Variants in OR52B4 observed in about 807,000 individuals in gnomAD.
OR52B4 encodes olfactory receptor 52B4.
For synonymous variants in OR52B4, 182 were observed against 142.3 expected (o/e 1.28, Z -1.98); for missense variants, 450 against 387.0 (o/e 1.16, Z -1.36).
In OR52B4 at chr11:4,367,690, A is replaced by G. The variant is rs1590829207; in HGVS notation, c.606T>C (p.Phe202=). 1 of 1,613,862 alleles carries G rather than the reference A, an allele frequency of 6.2e-7. No individual in the cohort carries two copies. The highest frequency in any genetic ancestry group is 1.1e-5 in the South Asian group (1 of 91,074). The change falls in exon 1 of 1, where the codon TTT becomes TTC. Residue 202 remains phenylalanine, a synonymous_variant. Transcript: ENST00000624801. ...AGACCACCGTCGACATTAGAATGGA[A>G]AACCCATACCAAATGTTTATTCGAA... ...NDIRINIWYG[F]SILMSTVVLD...
rs758468137 is a variant in OR52B4, at chr11:4,367,456, A to G, written c.840T>C (p.Asn280=). The change falls in exon 1 of 1, where the codon AAT becomes AAC. Residue 280 remains asparagine, a synonymous_variant. Transcript: ENST00000624801. ...IPPCIHIPLA[N]VCILAPPMLN... is the part of the protein sequence containing the mutation. ...GCATAGGTGGAGCCAGAATGCAGAC[A>G]TTAGCCAACGGGATGTGGATACAAG... 7 of 1,614,014 alleles carry G rather than the reference A, an allele frequency of 4.3e-6. No individual in the cohort carries two copies. The Admixed American group carries it at 1.0e-4, about 23-fold the overall frequency.
chr11:4,368,203 G>A lies in OR52B4; in HGVS notation c.93C>T (p.Ile31=), dbSNP rs376516768. The A allele has an allele frequency of 6.2e-7, 1 of 1,613,834 alleles. No individual in the cohort carries two copies. The highest frequency in any genetic ancestry group is 1.7e-4 in the Middle Eastern group (1 of 6,060). ...GLQDQHMWIS[I]PFFISYVTAL... is the part of the protein sequence containing the mutation. ...CGGTGACATAGGAAATGAAGAATGG[G>A]ATAGAAATCCACATGTGCTGGTCCT... The change falls in exon 1 of 1, where the codon ATC becomes ATT. Residue 31 remains isoleucine, a synonymous_variant. Coordinates refer to ENST00000624801, the MANE Select transcript of OR52B4 (RefSeq NM_001005161.3).
Position 4,367,844 on chromosome 11 carries a change from G to T in OR52B4, c.452C>A (p.Ser151Tyr). 1 of 1,613,936 alleles carries T rather than the reference G, an allele frequency of 6.2e-7. No individual in the cohort carries two copies. The highest frequency in any genetic ancestry group is 1.3e-5 in the African/African-American group (1 of 75,034). Residue 151 changes from serine (S) to tyrosine (Y), a missense_variant, in exon 1 of 1, where the codon TCT (serine) becomes TAT (tyrosine). By Grantham distance (144) the Ser-to-Tyr change is moderately radical. Transcript: ENST00000624801. ...ALIKKICVTV[S>Y]LRSYGTIFPI... ...GAAAATTGTACCATAACTTCTCAGA[G>T]AGACAGTCACACAAATTTTCTTGAT...
chr11:4,367,856 C>G lies in OR52B4; in HGVS notation c.440G>C (p.Cys147Ser), dbSNP rs1384779149. The G allele has an allele frequency of 4.3e-6, 7 of 1,614,032 alleles. No homozygotes were observed. Among genetic ancestry groups the G allele is most frequent in the Middle Eastern group, 3.3e-4 (2 of 6,062 alleles). ...ATAACTTCTCAGAGAGACAGTCACA[C>G]AAATTTTCTTGATCAGAGCATTTGT... ...ILTNALIKKICVTVSLRSYGT... is the reference protein window; with the variant it reads ...ILTNALIKKISVTVSLRSYGT... Residue 147 changes from cysteine to serine, a missense_variant, in exon 1 of 1, where the codon TGT (cysteine) becomes TCT (serine). Transcript: ENST00000624801.
At position 4,368,030 on chromosome 11, in the gene OR52B4, A is replaced by G; in HGVS notation, c.266T>C (p.Phe89Ser). The G allele has an allele frequency of 6.2e-7, 1 of 1,614,076 alleles. No homozygotes were observed. The highest frequency in any genetic ancestry group is 1.1e-5 in the South Asian group (1 of 91,082). ...ATCCAGGGAGATGTCCCCAGCACGG[A>G]ACCAGAAGATAGCTAAGGCCTGAGG... is the stretch of plus-strand genomic sequence containing the variant. ...TIPQALAIFW[F>S]RAGDISLDRC... Residue 89 changes from phenylalanine to serine, a missense_variant, in exon 1 of 1, where the codon TTC becomes TCC. By Grantham distance (155) the Phe-to-Ser change is radical. Transcript: ENST00000624801.
chr11:4,367,486 A>T lies in OR52B4; in HGVS notation c.810T>A (p.Ile270=). 6.2e-7 allele frequency: 1 copy of T among 1,614,030 alleles called. No individual in the cohort carries two copies. The highest frequency in any genetic ancestry group is 8.5e-7 in the Non-Finnish European group (1 of 1,179,918). ...CCAACGGGATGTGGATACAAGGTGG[A>T]ATGTGGCGTCCAAACCTCTGGGTAA... ...TILTQRFGRH[I]PPCIHIPLAN... The change falls in exon 1 of 1, where the codon ATT becomes ATA. Residue 270 remains isoleucine (I), a synonymous_variant. Transcript: ENST00000624801.
chr11:4,368,178 C>G lies in OR52B4; in HGVS notation c.118G>C (p.Ala40Pro), dbSNP rs766592298. Residue 40 changes from alanine to proline, a missense_variant, in exon 1 of 1, where the codon GCC becomes CCC. Transcript: ENST00000624801. ...ATGAGCAGGCTGTTCCCAAGAAGGG[C>G]GGTGACATAGGAAATGAAGAATGGG... is the stretch of plus-strand genomic sequence containing the variant. ...SIPFFISYVT[A>P]LLGNSLLIFI... The G allele has an allele frequency of 1.9e-6, 3 of 1,606,344 alleles. No homozygotes were observed. The highest frequency in any genetic ancestry group is 2.6e-6 in the Non-Finnish European group (3 of 1,174,114).
rs1365088041 is a variant in OR52B4, at chr11:4,367,920, T to A, written c.376A>T (p.Ile126Phe). The change falls in exon 1 of 1, where the codon ATT becomes TTT. Residue 126 changes from isoleucine (I) to phenylalanine (F), a missense_variant. Ile to Phe is a conservative substitution (Grantham distance 21). Transcript: ENST00000624801. ...TACCTCAGTGGGTAGCATATGGCAATATAGTGGTCAAAGGCCATCACCAGC... is the reference window on the plus strand; with the variant it reads ...TACCTCAGTGGGTAGCATATGGCAAAATAGTGGTCAAAGGCCATCACCAGC... ...ILLVMAFDHY[I>F]AICYPLRYTT... The A allele has an allele frequency of 2.3e-5, 37 of 1,613,814 alleles. No homozygotes were observed. Among genetic ancestry groups the A allele is most frequent in the Middle Eastern group, 1.6e-4 (1 of 6,080 alleles).
In OR52B4 at chr11:4,367,455, C is replaced by T. The variant is rs752803607; in HGVS notation, c.841G>A (p.Val281Ile). The T allele has an allele frequency of 2.5e-6, 4 of 1,613,960 alleles. No individual in the cohort carries two copies. The highest frequency in any genetic ancestry group is 1.7e-6 in the Non-Finnish European group (2 of 1,179,884). ...AGCATAGGTGGAGCCAGAATGCAGA[C>T]ATTAGCCAACGGGATGTGGATACAA... Reference protein sequence around the residue: ...PPCIHIPLANVCILAPPMLNP... With the variant: ...PPCIHIPLANICILAPPMLNP... The change falls in exon 1 of 1, where the codon GTC (valine) becomes ATC (isoleucine). Residue 281 changes from valine to isoleucine, a missense_variant. Transcript: ENST00000624801.
In OR52B4 at chr11:4,367,985, A is replaced by C; in HGVS notation, c.311T>G (p.Phe104Cys). 6.2e-7 allele frequency: 1 copy of C among 1,614,058 alleles called. No homozygotes were observed. The highest frequency in any genetic ancestry group is 8.5e-7 in the Non-Finnish European group (1 of 1,179,994). ...ISLDRCITQL[F>C]FIHSTFISES... ...AGAGATGAAGGTGGAATGGATGAAG[A>C]AGAGCTGAGTGATGCAACGATCCAG... Residue 104 changes from phenylalanine to cysteine, a missense_variant, in exon 1 of 1, where the codon TTC becomes TGC. Phe to Cys is a radical substitution (Grantham distance 205, BLOSUM62 -2). Coordinates refer to ENST00000624801, the MANE Select transcript of OR52B4 (RefSeq NM_001005161.3).
In OR52B4 at chr11:4,368,197, G is replaced by T; in HGVS notation, c.99C>A (p.Phe33Leu). 1.2e-6 allele frequency: 2 copies of T among 1,613,884 alleles called. No homozygotes were observed. The highest frequency in any genetic ancestry group is 1.7e-6 in the Non-Finnish European group (2 of 1,179,854). ...GAAGGGCGGTGACATAGGAAATGAA[G>T]AATGGGATAGAAATCCACATGTGCT... ...QDQHMWISIP[F>L]FISYVTALLG... is the part of the protein sequence containing the mutation. Residue 33 changes from phenylalanine to leucine, a missense_variant, in exon 1 of 1, where the codon TTC (phenylalanine) becomes TTA (leucine). Coordinates refer to ENST00000624801, the MANE Select transcript of OR52B4 (RefSeq NM_001005161.3).
Position 4,368,235 on chromosome 11 carries a change from C to G in OR52B4, c.61G>C (p.Gly21Arg). 6.2e-7 allele frequency: 1 copy of G among 1,613,826 alleles called. No individual in the cohort carries two copies. The highest frequency in any genetic ancestry group is 8.5e-7 in the Non-Finnish European group (1 of 1,179,868). ...ATCCACATGTGCTGGTCCTGTAGGC[C>G]AGGGATGCCCAGCAAGTGGAAGACT... ...HTVFHLLGIP[G>R]LQDQHMWISI... The change falls in exon 1 of 1, where the codon GGC becomes CGC. Residue 21 changes from glycine (G) to arginine (R), a missense_variant. Transcript: ENST00000624801.
Position 4,368,063 on chromosome 11 carries a change from C to G in OR52B4, c.233G>C (p.Cys78Ser). The change falls in exon 1 of 1, where the codon TGC becomes TCC. Residue 78 changes from cysteine to serine, a missense_variant. Cys to Ser is a moderately radical substitution (Grantham distance 112). Coordinates refer to ENST00000624801, the MANE Select transcript of OR52B4 (RefSeq NM_001005161.3). ...GATAGCTAAGGCCTGAGGAATGGTGCACGTGGAGAGGACAATGTCTGCTCC... is the reference window on the plus strand; with the variant it reads ...GATAGCTAAGGCCTGAGGAATGGTGGACGTGGAGAGGACAATGTCTGCTCC... ...LAGADIVLST[C>S]TIPQALAIFW... 6.2e-7 allele frequency: 1 copy of G among 1,613,934 alleles called. No individual in the cohort carries two copies. The highest frequency in any genetic ancestry group is 8.5e-7 in the Non-Finnish European group (1 of 1,179,960).
chr11:4,368,363 T>C lies in OR52B4; in HGVS notation c.-68A>G. 1.3e-6 allele frequency: 1 copy of C among 759,430 alleles called. No individual in the cohort carries two copies. The highest frequency in any genetic ancestry group is 2.2e-6 in the Non-Finnish European group (1 of 457,592). 47.0% of individuals were successfully genotyped at this position (759,430 alleles called of 1,614,324 possible). On this transcript the variant is annotated 5_prime_UTR_variant, in exon 1 of 1. An upstream start codon of the reference 5' UTR is lost. Transcript: ENST00000624801. ...GTAGAAGAAGATAAAATCTGCAACA[T>C]TCTTTGCGATGTCACCAGGAGCTTA...
chr11:4,368,261 G>C lies in OR52B4; in HGVS notation c.35C>G (p.Thr12Arg). 1 of 1,612,668 alleles carries C rather than the reference G, an allele frequency of 6.2e-7. No homozygotes were observed. The highest frequency in any genetic ancestry group is 8.5e-7 in the Non-Finnish European group (1 of 1,179,026). Residue 12 changes from threonine to arginine, a missense_variant, in exon 1 of 1, where the codon ACA becomes AGA. Transcript: ENST00000624801. ...AGGGATGCCCAGCAAGTGGAAGACT[G>C]TGTGGCTAGTGCCACTGTGGTTTAC... ...PTVNHSGTSHTVFHLLGIPGL... is the reference protein window; with the variant it reads ...PTVNHSGTSHRVFHLLGIPGL...
In OR52B4 at chr11:4,367,356, T is replaced by C. The variant is rs1182756705; in HGVS notation, c.940A>G (p.Lys314Glu). 6.3e-7 allele frequency: 1 copy of C among 1,596,268 alleles called. No individual in the cohort carries two copies. The highest frequency in any genetic ancestry group is 1.1e-5 in the South Asian group (1 of 90,204). The change falls in exon 1 of 1, where the codon AAA becomes GAA. Residue 314 changes from lysine (K) to glutamate (E), a missense_variant. Transcript: ENST00000624801. ...QVVQFLFIKQ[K>E] The stretch of plus-strand genomic sequence containing the variant: ...ACTCAGTTCTTAAACCAAAGTTATT[T>C]CTGTTTTATAAACAAAAACTGAACC...
Position 4,368,078 on chromosome 11 carries a change from A to G in OR52B4, c.218T>C (p.Ile73Thr), listed in dbSNP as rs751901350. 1.9e-6 allele frequency: 3 copies of G among 1,613,892 alleles called. No individual in the cohort carries two copies. Among genetic ancestry groups the G allele is most frequent in the Non-Finnish European group, 2.5e-6 (3 of 1,179,870 alleles). Residue 73 changes from isoleucine (I) to threonine (T), a missense_variant, in exon 1 of 1, where the codon ATT becomes ACT. Ile to Thr is a moderately conservative substitution (Grantham distance 89). Transcript: ENST00000624801. ...AGGAATGGTGCACGTGGAGAGGACA[A>G]TGTCTGCTCCAGCCAGCATGCAGAG... is the stretch of plus-strand genomic sequence containing the variant. The part of the protein sequence containing the change: ...LFLCMLAGAD[I>T]VLSTCTIPQA...
Position 4,367,975 on chromosome 11 carries a change from A to C in OR52B4, c.321T>G (p.His107Gln). Reference protein sequence around the residue: ...DRCITQLFFIHSTFISESGIL... With the variant: ...DRCITQLFFIQSTFISESGIL... Reference sequence around the variant, plus strand: ...TCCCTGACTCAGAGATGAAGGTGGAATGGATGAAGAAGAGCTGAGTGATGC... The same window carrying C: ...TCCCTGACTCAGAGATGAAGGTGGACTGGATGAAGAAGAGCTGAGTGATGC... Residue 107 changes from histidine to glutamine, a missense_variant, in exon 1 of 1, where the codon CAT (histidine) becomes CAG (glutamine). Coordinates refer to ENST00000624801, the MANE Select transcript of OR52B4 (RefSeq NM_001005161.3). 6.2e-7 allele frequency: 1 copy of C among 1,614,012 alleles called. No individual in the cohort carries two copies. The highest frequency in any genetic ancestry group is 8.5e-7 in the Non-Finnish European group (1 of 1,179,992).
Position 4,368,288 on chromosome 11 carries a change from G to T in OR52B4, c.8C>A (p.Thr3Asn). The change falls in exon 1 of 1, where the codon ACT becomes AAT. Residue 3 changes from threonine to asparagine, a missense_variant. Thr to Asn is a moderately conservative substitution (Grantham distance 65). Coordinates refer to ENST00000624801, the MANE Select transcript of OR52B4 (RefSeq NM_001005161.3). Reference protein sequence around the residue: MPTVNHSGTSHTV... With the variant: MPNVNHSGTSHTV... ...GTGGCTAGTGCCACTGTGGTTTACA[G>T]TAGGCATAGCTGGGGAGAACTTTCA... 6.2e-7 allele frequency: 1 copy of T among 1,601,044 alleles called. No individual in the cohort carries two copies. The highest frequency in any genetic ancestry group is 8.5e-7 in the Non-Finnish European group (1 of 1,170,142).
Sources: gnomAD v4.1 joint callset for allele counts on GRCh38, gnomAD v4.1.1 for gene constraint, MANE v1.5 for transcripts, NCBI Gene and HGNC (gene_info 2026-07-23, HGNC 2026-07-21) for gene names.